The following NRXN1 variants were observed in gnomAD, a reference collection of about 807,000 sequenced individuals.
NRXN1 encodes the protein neurexin 1, also known as neurexin-1.
In NRXN1, 39 loss-of-function variants were observed where a neutral mutation model predicts 150.9. The observed-to-expected ratio is 0.26, with a 90% CI of 0.20 to 0.34. NRXN1 has a LOEUF of 0.34. Ranked by LOEUF, NRXN1 falls within the 10% of genes least tolerant of loss-of-function variation. NRXN1 has a pLI of 1.00. For synonymous variants in NRXN1, 924 were observed against 757.0 expected (o/e 1.22, Z -3.62); for missense variants, 1,815 against 1,949.9 (o/e 0.93, Z 1.30).
At chr2:50,317,027 ATTTTGGAG>A (rs1349144643) in intron 17 of NRXN1, among the ~76,000 whole-genome samples, 1 of 152,026 alleles carries the variant, frequency 6.6e-6, no homozygotes, top group Admixed American at 6.6e-5. Flanking sequence ...ATTAAAGAGT[ATTTTGGAG>A]TTATATTTGC....
intron 5 of NRXN1, among the ~76,000 whole-genome samples, chr2:50,692,025 G>A (rs527772014): frequency 2.4e-4 from 37 of 152,186 alleles, no homozygotes; most frequent in Middle Eastern, 3.4e-3. Flanking sequence ...GGGGAGATAC[G>A]TCTGTGTGTG....
At chr2:50,768,865 T>C (rs929165698) in intron 5 of NRXN1, among the ~76,000 whole-genome samples, 1 of 151,706 alleles carries the variant, frequency 6.6e-6, no homozygotes, top group African/African-American at 2.4e-5. Flanking sequence ...TTTTGGGTTA[T>C]GGAGTATCAG....
chr2:50,835,579 C>T (rs1671995939), intron 5 of NRXN1, among the ~76,000 whole-genome samples: 1 of 152,098 alleles, frequency 6.6e-6, no homozygotes, highest in African/African-American at 2.4e-5. Flanking sequence ...CAGCACATGA[C>T]ATTTGCTTTG....
At chr2:50,107,134 G>A (rs554203435) in intron 18 of NRXN1, among the ~76,000 whole-genome samples, 141 of 151,906 alleles carry the variant, frequency 9.3e-4, no homozygotes, top group Admixed American at 1.6e-3. Flanking sequence ...TGAGCCTTGC[G>A]GCATTCCACA....
intron 17 of NRXN1, among the ~76,000 whole-genome samples, chr2:50,343,942 T>A (rs2077738204): frequency 6.6e-6 from 1 of 152,192 alleles, no homozygotes; most frequent in Non-Finnish European, 1.5e-5. Flanking sequence ...TTTGCAATAG[T>A]CTCAGATTTT....
chr2:50,498,382 T>A (rs1275753770), intron 13 of NRXN1, among the ~76,000 whole-genome samples: 2 of 152,144 alleles, frequency 1.3e-5, no homozygotes, highest in African/African-American at 4.8e-5. Flanking sequence ...CACCTATGCC[T>A]TTTTTTGTCC....
chr2:50,455,706 A>G (rs1365682581), intron 17 of NRXN1, among the ~76,000 whole-genome samples: 1 of 152,198 alleles, frequency 6.6e-6, no homozygotes, highest in Non-Finnish European at 1.5e-5. Flanking sequence ...ATGTCATCAA[A>G]GATGGACCCC....
At chr2:50,471,925 G>A (rs1237386729) in intron 16 of NRXN1, among the ~76,000 whole-genome samples, 1 of 151,792 alleles carries the variant, frequency 6.6e-6, no homozygotes, top group Admixed American at 6.6e-5. Context: ...ATGGGCACAA[G>A]TTGATTAATA....
chr2:51,002,171 A>G (rs1359208651), intron 2 of NRXN1, among the ~76,000 whole-genome samples: 9 of 152,024 alleles, frequency 5.9e-5, no homozygotes, highest in Admixed American at 5.9e-4. Context: ...TATATGAAAT[A>G]CCTTGTATGC....
At chr2:50,605,913 A>G (rs1203069071) in intron 8 of NRXN1, among the ~76,000 whole-genome samples, 1 of 152,148 alleles carries the variant, frequency 6.6e-6, no homozygotes, top group Admixed American at 6.6e-5. Context: ...TTGATGGATG[A>G]CTGGATTTTT....
intron 17 of NRXN1, among the ~76,000 whole-genome samples, chr2:50,375,988 T>A (rs2080459865): frequency 6.6e-6 from 1 of 151,656 alleles, no homozygotes; most frequent in South Asian, 2.1e-4. Context: ...GAGGACAAAA[T>A]ATTCTCTACT....
At chr2:49,930,896 G>A (rs955343031) in intron 22 of NRXN1, among the ~76,000 whole-genome samples, 10 of 152,202 alleles carry the variant, frequency 6.6e-5, no homozygotes, top group African/African-American at 1.7e-4. Flanking sequence ...ACCTGCAGTC[G>A]CAGCACTTTG....
Position 50,922,761 on chromosome 2 carries a change from A to C in NRXN1, c.791-74T>G, listed in dbSNP as rs192474416. 169 of 1,412,346 alleles carry C rather than the reference A, an allele frequency of 1.2e-4. No homozygotes were observed. The African/African-American group carries it at 2.1e-3, about 18-fold the overall frequency. 87.5% of individuals were successfully genotyped at this position (1,412,346 alleles called of 1,614,324 possible). A position where few individuals can be genotyped will look rare whatever the true frequency, so the allele number is the denominator to read the frequency against. ...AAGGCAGGGTTGTCACGGTGACAAA[A>C]ATGTTCAGTGACAGACATCTCTTTT... On this transcript the variant is annotated intron_variant, in intron 3 of 22. Transcript: ENST00000401669.
chr2:50,410,882 G>A (rs554112779), intron 17 of NRXN1, among the ~76,000 whole-genome samples: 1 of 152,314 alleles, frequency 6.6e-6, no homozygotes, highest in East Asian at 1.9e-4. Context: ...AAGGAGGCAA[G>A]TTCCTAGCTT....
chr2:50,103,502 C>G (rs558369728), intron 18 of NRXN1, among the ~76,000 whole-genome samples: 30 of 151,974 alleles, frequency 2.0e-4, no homozygotes, highest in African/African-American at 7.0e-4. Flanking sequence ...ATGCAGTCTT[C>G]CAGGCAGTCA....
At chr2:50,140,858 A>G (rs1464078124) in intron 18 of NRXN1, among the ~76,000 whole-genome samples, 3 of 152,022 alleles carry the variant, frequency 2.0e-5, no homozygotes, top group Non-Finnish European at 2.9e-5. Flanking sequence ...AACTATCTGA[A>G]AGATATAGAA....
intron 12 of NRXN1, among the ~76,000 whole-genome samples, chr2:50,511,828 A>G (rs1020003036): frequency 6.6e-6 from 1 of 152,092 alleles, no homozygotes; most frequent in African/African-American, 2.4e-5. Flanking sequence ...ATTTTTGGCC[A>G]TTTTAGTAAC....
At chr2:50,436,985 C>A (rs1050389786) in intron 17 of NRXN1, among the ~76,000 whole-genome samples, 1 of 151,984 alleles carries the variant, frequency 6.6e-6, no homozygotes, top group African/African-American at 2.4e-5. Flanking sequence ...CTTTACTAGG[C>A]AAATTATTTA....
At chr2:50,884,332 T>C (rs1051002997) in intron 5 of NRXN1, among the ~76,000 whole-genome samples, 2 of 151,798 alleles carry the variant, frequency 1.3e-5, no homozygotes, top group East Asian at 1.9e-4. Context: ...TTTAGTTTTT[T>C]AGCAATTCAA....
Sources: allele counts gnomAD v4.1 joint callset (sites outside exome capture counted in the v4.1 genomes callset), GRCh38; gene constraint gnomAD v4.1.1; transcripts MANE v1.5; gene names NCBI Gene and HGNC (gene_info 2026-07-23, HGNC 2026-07-21).